Variants in FAM53A observed in about 807,000 individuals in gnomAD.
The protein encoded by FAM53A is family with sequence similarity 53 member A, also known as protein FAM53A.
In FAM53A, 28 loss-of-function variants were observed where a neutral mutation model predicts 26.6. The ratio of observed to expected loss-of-function variants is 1.05; its 90% CI spans 0.78 to 1.45. The LOEUF (loss-of-function observed/expected upper bound fraction) is 1.45, where lower values mean the gene tolerates loss of function less well. FAM53A is among the 40% of genes most tolerant of loss of function. FAM53A has a pLI of 0.00. For missense variants in FAM53A, 650 were observed against 575.8 expected (o/e 1.13, Z -1.32); for synonymous variants, 290 against 253.1 (o/e 1.15, Z -1.38).
chr4:1,585,647 C>A, the FAM53A span, among the ~76,000 whole-genome samples: 70 of 152,282 alleles, frequency 4.6e-4, 1 homozygote, highest in Non-Finnish European at 7.1e-4. Context: ...GTGGATCACG[C>A]AGTATTTGTC....
chr4:1,646,164 G>A (rs986716005), intron 4 of FAM53A, among the ~76,000 whole-genome samples: 7 of 151,830 alleles, frequency 4.6e-5, no homozygotes, highest in African/African-American at 9.7e-5. Context: ...GCAGTGGCGC[G>A]GTCTCGGCTC....
At chr4:1,624,880 A>AG (rs1231660419) in intron 1 of FAM53A, among the ~76,000 whole-genome samples, 2 of 149,476 alleles carry the variant, frequency 1.3e-5, no homozygotes, top group Non-Finnish European at 3.0e-5. Context: ...CCACGTGGTC[A>AG]GGGGTCACAC....
At chr4:1,653,365 T>A (rs1713048457) in intron 4 of FAM53A, among the ~76,000 whole-genome samples, 1 of 152,200 alleles carries the variant, frequency 6.6e-6, no homozygotes, top group African/African-American at 2.4e-5. Flanking sequence ...TCCCAAGGCA[T>A]CTGAGAAACC....
At chr4:1,632,496 G>A (rs534328578) in intron 1 of FAM53A, among the ~76,000 whole-genome samples, 83 of 152,262 alleles carry the variant, frequency 5.5e-4, no homozygotes, top group African/African-American at 1.7e-3. Flanking sequence ...CAAGAAGACC[G>A]ACCCACAGAT....
At chr4:1,611,539 C>T in the FAM53A span, among the ~76,000 whole-genome samples, 1 of 152,246 alleles carries the variant, frequency 6.6e-6, no homozygotes, top group Non-Finnish European at 1.5e-5. Flanking sequence ...AGACAGGCAG[C>T]TCCTCACTTC....
chr4:1,676,757 CTT>C (rs1715073530), intron 1 of FAM53A, among the ~76,000 whole-genome samples: 1 of 152,150 alleles, frequency 6.6e-6, no homozygotes, highest in Non-Finnish European at 1.5e-5. Flanking sequence ...CGGTGTATCT[CTT>C]TGCCAACACA....
intron 2 of FAM53A, among the ~76,000 whole-genome samples, chr4:1,660,885 A>G (rs1289119281): frequency 1.3e-5 from 2 of 152,012 alleles, no homozygotes. Context: ...CATCTCAAAA[A>G]AAAAAAAACT....
the FAM53A span, among the ~76,000 whole-genome samples, chr4:1,600,292 G>A: frequency 1.3e-5 from 2 of 152,152 alleles, no homozygotes; most frequent in South Asian, 2.1e-4. Flanking sequence ...GCACGCAGGG[G>A]CTGGGTTCAC....
chr4:1,674,238 A>G (rs954807517), intron 1 of FAM53A, among the ~76,000 whole-genome samples: 2 of 152,142 alleles, frequency 1.3e-5, no homozygotes, highest in South Asian at 4.1e-4. Flanking sequence ...GTACCACTGC[A>G]ATCTCTGCCT....
At chr4:1,593,193 C>T in the FAM53A span, among the ~76,000 whole-genome samples, 10 of 152,170 alleles carry the variant, frequency 6.6e-5, no homozygotes, top group Non-Finnish European at 8.8e-5. Flanking sequence ...TTCCCGACAC[C>T]GGCCTCGCGG....
intron 2 of FAM53A, among the ~76,000 whole-genome samples, chr4:1,660,054 G>T (rs555211208): frequency 6.6e-6 from 1 of 152,054 alleles, no homozygotes; most frequent in African/African-American, 2.4e-5. Context: ...CCAGCACGGC[G>T]GGAGGATCGC....
rs569533261 is a variant in FAM53A, at chr4:1,664,725, C to A, written c.75+3942G>T. Among the ~76,000 whole-genome samples, 4 of 152,336 alleles carry A rather than the reference C, an allele frequency of 2.6e-5. No homozygotes were observed. In the East Asian group the frequency reaches 5.8e-4, roughly 22 times the overall value. ...AGGCACGGTGGCTCAGGCCTGTAAT[C>A]CCAGCACTTTGGGAGCCTGAAGCGG... On this transcript the variant is annotated intron_variant, in intron 2 of 4. Transcript: ENST00000308132.
At chr4:1,668,569 T>G in intron 2 of FAM53A, 98 bp downstream of exon 2, 1 of 1,428,562 alleles carries the variant, frequency 7.0e-7, no homozygotes, top group Non-Finnish European at 9.7e-7. Flanking sequence ...CCCAGGCCCC[T>G]GAGAACTTAG....
chr4:1,592,748 C>T, the FAM53A span, among the ~76,000 whole-genome samples: 1 of 152,136 alleles, frequency 6.6e-6, no homozygotes, highest in East Asian at 1.9e-4. Flanking sequence ...GAACAGAGTT[C>T]GCCGCAGAGC....
chr4:1,601,233 C>CCGGGGGAGATGGGAT, the FAM53A span, among the ~76,000 whole-genome samples: 8 of 87,414 alleles, frequency 9.2e-5, no homozygotes, highest in South Asian at 3.4e-4. Flanking sequence ...CGCAACAGGT[C>CCGGGGGAGATGGGAT]GGACACCCAC....
At chr4:1,685,664 G>A (rs1424004240), upstream of FAM53A, among the ~76,000 whole-genome samples, 5 of 152,144 alleles carry the variant, frequency 3.3e-5, no homozygotes, top group African/African-American at 1.2e-4. Flanking sequence ...GTCTGGAAGA[G>A]TGGGAGTCCC....
intron 1 of FAM53A, among the ~76,000 whole-genome samples, chr4:1,629,322 C>G (rs1230888715): frequency 6.6e-6 from 1 of 152,186 alleles, no homozygotes; most frequent in Non-Finnish European, 1.5e-5. Context: ...CCAGCGGCCT[C>G]CAGGGGAAGT....
chr4:1,603,241 G>C, the FAM53A span, among the ~76,000 whole-genome samples: 1 of 152,146 alleles, frequency 6.6e-6, no homozygotes, highest in African/African-American at 2.4e-5. Context: ...AGGGTGGAAT[G>C]GGTAAACGCT....
At chr4:1,679,134 C>T (rs1338566949) in intron 1 of FAM53A, among the ~76,000 whole-genome samples, 1 of 152,078 alleles carries the variant, frequency 6.6e-6, no homozygotes, top group Non-Finnish European at 1.5e-5. Flanking sequence ...GACAAAGAAC[C>T]ATTATCCAAA....
Sources: gnomAD v4.1 joint callset for allele counts (sites outside exome capture counted in the v4.1 genomes callset) on GRCh38, gnomAD v4.1.1 for gene constraint, MANE v1.5 for transcripts, NCBI Gene and HGNC (gene_info 2026-07-23, HGNC 2026-07-21) for gene names.